Variants in KCNK12 observed in about 807,000 individuals in gnomAD.
KCNK12 encodes potassium channel subfamily K member 12.
Under a neutral mutation model 25.3 loss-of-function variants are expected in KCNK12, and 6 were observed. The observed-to-expected ratio is 0.24, with a 90% CI of 0.13 to 0.47. The LOEUF is 0.47. Ranked by LOEUF, KCNK12 falls within the 20% of genes least tolerant of loss-of-function variation. The probability of loss-of-function intolerance (pLI) is 0.99; values close to 1 mark genes in which losing one functional copy is unlikely to be tolerated. For synonymous variants in KCNK12, 331 were observed against 311.1 expected (o/e 1.06, Z -0.67); for missense variants, 444 against 661.7 (o/e 0.67, Z 3.61).
rs777939724 is a variant in KCNK12 at position 47,556,163 on chromosome 2, G to T, written c.391+13778C>A. Among the ~76,000 whole-genome samples the T allele has an allele frequency of 5.3e-5, 8 of 152,152 alleles. No homozygotes were observed. Among genetic ancestry groups the T allele is most frequent in the Non-Finnish European group, 1.0e-4 (7 of 68,026 alleles). ...AGGGTGATGCAGGGTCTATTAAGAA[G>T]GAAGAATATACATGTTTGCATACCG... is the stretch of plus-strand genomic sequence containing the variant. On this transcript the variant is annotated intron_variant, in intron 1 of 1. Transcript: ENST00000327876. The surrounding 1 kb of genome is among the most constrained non-coding windows in gnomAD (Gnocchi z 4.8).
intron 1 of KCNK12, chr2:47,563,585 G>C (rs1381981932): frequency 4.3e-6 from 1 of 232,968 alleles, no homozygotes; most frequent in East Asian, 6.0e-5. Context: ...CTTTGGGCTG[G>C]TCTTGGAGAT....
chr2:47,531,485 AG>A (rs1668928184), intron 1 of KCNK12, among the ~76,000 whole-genome samples: 1 of 150,868 alleles, frequency 6.6e-6, no homozygotes, highest in African/African-American at 2.4e-5. Flanking sequence ...AAAAAAAAAA[AG>A]ATTAGGTGGG....
chr2:47,525,960 C>T lies in KCNK12; in HGVS notation c.392-4152G>A, dbSNP rs550023635. Among the ~76,000 whole-genome samples the T allele has an allele frequency of 2.0e-4, 31 of 152,256 alleles. No homozygotes were observed. The highest frequency in any genetic ancestry group is 5.8e-4 in the African/African-American group (24 of 41,556). On this transcript the variant is annotated intron_variant, in intron 1 of 1. Coordinates refer to ENST00000327876, the MANE Select transcript of KCNK12 (RefSeq NM_022055.2). The surrounding 1 kb of genome is among the most constrained non-coding windows in gnomAD (Gnocchi z 4.1). ...GATCACCCCCATGCCCCATCCACTG[C>T]GGGTCCCCTGAGCCATGTGTCAGCC...
At position 47,555,556 on chromosome 2, in the gene KCNK12, T is replaced by A. The variant is rs1223162373; in HGVS notation, c.391+14385A>T. 6.6e-6 allele frequency among the ~76,000 whole-genome samples: 1 copy of A among 152,256 alleles called. No individual in the cohort carries two copies. Among genetic ancestry groups the A allele is most frequent in the African/African-American group, 2.4e-5 (1 of 41,464 alleles). On this transcript the variant is annotated intron_variant, in intron 1 of 1. Coordinates refer to ENST00000327876, the MANE Select transcript of KCNK12 (RefSeq NM_022055.2). This position sits in a 1 kb window ranked among gnomAD's most constrained non-coding sequence, Gnocchi z 4.5. ...AGAAGTCCAAACTCCTTTTATCTCA[T>A]CATTACTTCACAATTTATCACTCTT...
At chr2:47,563,298 G>C in intron 1 of KCNK12, 2 of 233,594 alleles carry the variant, frequency 8.6e-6, no homozygotes, top group Non-Finnish European at 8.5e-6. Context: ...GGAAGCCTTG[G>C]TGCCCTCTCA....
intron 1 of KCNK12, among the ~76,000 whole-genome samples, chr2:47,552,746 T>C (rs1669464334): frequency 6.6e-6 from 1 of 151,344 alleles, no homozygotes; most frequent in African/African-American, 2.4e-5. Flanking sequence ...CCAGCCTGGA[T>C]GACAGAGTGA....
At position 47,512,282 on chromosome 2, in the gene KCNK12, CTCTCT is replaced by C. The variant is rs1668421041; in HGVS notation, c.*8620_*8624del. The C allele has an allele frequency of 1.2e-6, 2 of 1,611,074 alleles. No homozygotes were observed. Among genetic ancestry groups the C allele is most frequent in the South Asian group, 2.2e-5 (2 of 90,600 alleles). On this transcript the variant is annotated 3_prime_UTR_variant, in exon 2 of 2. Transcript: ENST00000327876. ...CCCCGTGGAACTCCTACATTTTCTC[CTCTCT>C]TCTCCTTCCTTTCAGAACCTCAGAG...
At position 47,515,406 on chromosome 2, in the gene KCNK12, C is replaced by T. The variant is rs1668502470; in HGVS notation, c.*5501G>A. ...TTATTTACATCCTACTGCTTAAGGT[C>T]ATCGCCAAAATCTGATTTTTTACAC... On this transcript the variant is annotated 3_prime_UTR_variant, in exon 2 of 2. Coordinates refer to ENST00000327876, the MANE Select transcript of KCNK12 (RefSeq NM_022055.2). Among the ~76,000 whole-genome samples the T allele has an allele frequency of 6.6e-6, 1 of 152,230 alleles. No homozygotes were observed. Among genetic ancestry groups the T allele is most frequent in the Admixed American group, 6.5e-5 (1 of 15,284 alleles).
intron 1 of KCNK12, among the ~76,000 whole-genome samples, chr2:47,534,404 G>T (rs1189328519): frequency 6.6e-6 from 1 of 150,582 alleles, no homozygotes; most frequent in Non-Finnish European, 1.5e-5. Flanking sequence ...GCGGGAAGAT[G>T]ACTCATTTAC....
Position 47,569,667 on chromosome 2 carries a change from G to A in KCNK12, c.391+274C>T, listed in dbSNP as rs757458293. On this transcript the variant is annotated intron_variant, in intron 1 of 1. Coordinates refer to ENST00000327876, the MANE Select transcript of KCNK12 (RefSeq NM_022055.2). This position sits in a 1 kb window ranked among gnomAD's most constrained non-coding sequence, Gnocchi z 4.1. ...CGTATTCTTAGAGGAGAAAACGGAG[G>A]CTCACAAAGGTCAGATCACAGAGCC... is the stretch of plus-strand genomic sequence containing the variant. 6.6e-6 allele frequency among the ~76,000 whole-genome samples: 1 copy of A among 152,176 alleles called. No homozygotes were observed. The highest frequency in any genetic ancestry group is 1.5e-5 in the Non-Finnish European group (1 of 68,024).
rs1668501890 is a variant in KCNK12 at position 47,515,380 on chromosome 2, G to GT, written c.*5526dup. On this transcript the variant is annotated 3_prime_UTR_variant, in exon 2 of 2. Coordinates refer to ENST00000327876, the MANE Select transcript of KCNK12 (RefSeq NM_022055.2). ...TTATTGGAACACTAAGTCTGTGAGA[G>GT]TTATTTACATCCTACTGCTTAAGGT... 6.6e-6 allele frequency among the ~76,000 whole-genome samples: 1 copy of GT among 152,186 alleles called. No homozygotes were observed. Among genetic ancestry groups the GT allele is most frequent in the African/African-American group, 2.4e-5 (1 of 41,416 alleles).
intron 1 of KCNK12, among the ~76,000 whole-genome samples, chr2:47,546,852 C>CAGCTTG (rs1669325054): frequency 1.3e-5 from 2 of 151,352 alleles, no homozygotes; most frequent in South Asian, 4.2e-4. Context: ...GCAAGATGGA[C>CAGCTTG]AGCTTGAGAG....
chr2:47,551,031 G>A lies in KCNK12; in HGVS notation c.391+18910C>T, dbSNP rs376290523. On this transcript the variant is annotated intron_variant, in intron 1 of 1. Transcript: ENST00000327876. This position sits in a 1 kb window ranked among gnomAD's most constrained non-coding sequence, Gnocchi z 5.3. ...AAGTTTTGCCTCAGGATCTAATCAT[G>A]CTTCTTCTCAAAATCCTCCCGTGGC... 2.0e-5 allele frequency among the ~76,000 whole-genome samples: 3 copies of A among 152,012 alleles called. No individual in the cohort carries two copies. The highest frequency in any genetic ancestry group is 7.3e-5 in the African/African-American group (3 of 41,356).
chr2:47,521,396 G>T lies in KCNK12; in HGVS notation c.804C>A (p.Ala268=), dbSNP rs1573621633. The T allele has an allele frequency of 1.9e-6, 3 of 1,613,524 alleles. No individual in the cohort carries two copies. The highest frequency in any genetic ancestry group is 2.5e-6 in the Non-Finnish European group (3 of 1,179,822). The part of the protein sequence containing the change: ...GFGDLVSSQH[A]AYRNQGLYRL... ...GGTAGAGCCCCTGGTTCCGGTAGGC[G>T]GCGTGCTGGCTGCTCACCAGGTCCC... is the stretch of plus-strand genomic sequence containing the variant. Residue 268 remains alanine, a synonymous_variant, in exon 2 of 2, where the codon GCC becomes GCA. Coordinates refer to ENST00000327876, the MANE Select transcript of KCNK12 (RefSeq NM_022055.2).
At chr2:47,549,275 C>T (rs890704718) in intron 1 of KCNK12, among the ~76,000 whole-genome samples, 8 of 152,144 alleles carry the variant, frequency 5.3e-5, no homozygotes, top group Non-Finnish European at 1.2e-4. Context: ...TCCTTTAGAC[C>T]TGCCTTTAAA....
rs1170141446 is a variant in KCNK12, at chr2:47,557,621, A to T, written c.391+12320T>A. Among the ~76,000 whole-genome samples, 2 of 152,182 alleles carry T rather than the reference A, an allele frequency of 1.3e-5. No individual in the cohort carries two copies. Among genetic ancestry groups the T allele is most frequent in the Non-Finnish European group, 2.9e-5 (2 of 68,034 alleles). ...CATTCTTAAAATGGATACATGAATA[A>T]TGCATACCTGCCCGGCTGAACAATG... On this transcript the variant is annotated intron_variant, in intron 1 of 1. Coordinates refer to ENST00000327876, the MANE Select transcript of KCNK12 (RefSeq NM_022055.2). The surrounding 1 kb of genome is among the most constrained non-coding windows in gnomAD (Gnocchi z 4.9).
intron 1 of KCNK12, among the ~76,000 whole-genome samples, chr2:47,542,109 C>A (rs1293545219): frequency 6.6e-6 from 1 of 152,218 alleles, no homozygotes; most frequent in Non-Finnish European, 1.5e-5. Flanking sequence ...AGAGAAATAA[C>A]CTCCTGGGCA....
Position 47,520,463 on chromosome 2 carries a change from T to A in KCNK12, c.*444A>T, listed in dbSNP as rs1668627257. On this transcript the variant is annotated 3_prime_UTR_variant, in exon 2 of 2. Transcript: ENST00000327876. This position sits in a 1 kb window ranked among gnomAD's most constrained non-coding sequence, Gnocchi z 5.0. ...GTCAAAACTGTGACTATATCACTTC[T>A]GACGACCAGAAGGAAGCTGCTAGGC... 6.4e-6 allele frequency: 1 copy of A among 155,072 alleles called. No individual in the cohort carries two copies. Among genetic ancestry groups the A allele is most frequent in the African/African-American group, 2.4e-5 (1 of 41,592 alleles). 9.6% of individuals were successfully genotyped at this position (155,072 alleles called of 1,614,324 possible).
chr2:47,569,824 A>C lies in KCNK12; in HGVS notation c.391+117T>G. On this transcript the variant is annotated intron_variant, in intron 1 of 1. Coordinates refer to ENST00000327876, the MANE Select transcript of KCNK12 (RefSeq NM_022055.2). This position sits in a 1 kb window ranked among gnomAD's most constrained non-coding sequence, Gnocchi z 4.1. ...GAAGAGGGCGAGACGAAAGTAAGCA[A>C]AGGGACATTAGAAGGGAAGGCAGAG... is the stretch of plus-strand genomic sequence containing the variant. The C allele has an allele frequency of 2.5e-6, 2 of 813,684 alleles. No individual in the cohort carries two copies. Among genetic ancestry groups the C allele is most frequent in the Non-Finnish European group, 1.7e-6 (1 of 591,518 alleles). The allele number at this position is 813,684 out of a possible 1,614,324, so 50.4% of individuals were successfully genotyped here.
Sources: allele counts gnomAD v4.1 joint callset (sites outside exome capture counted in the v4.1 genomes callset), GRCh38; gene constraint gnomAD v4.1.1; non-coding constraint Gnocchi (gnomAD v3.1); transcripts MANE v1.5; gene names NCBI Gene and HGNC (gene_info 2026-07-23, HGNC 2026-07-21).